The following DST variants were observed in gnomAD, a reference collection of about 807,000 sequenced individuals.
DST encodes dystonin.
In DST, 253 loss-of-function variants were observed where a neutral mutation model predicts 875.2. That is an observed-to-expected ratio of 0.29 (90% CI 0.26 to 0.32). The LOEUF is 0.32. Among genes scored for constraint, DST ranks in the 10% least tolerant of loss-of-function variants. The probability of loss-of-function intolerance (pLI) is 1.00; values close to 1 mark genes in which losing one functional copy is unlikely to be tolerated. For synonymous variants in DST, 3,124 were observed against 3,197.1 expected (o/e 0.98, Z 0.77); for missense variants, 8,287 against 9,111.6 (o/e 0.91, Z 3.68).
intron 36 of DST, chr6:56,615,710 T>C (rs1312607455): frequency 6.2e-7 from 1 of 1,614,100 alleles, no homozygotes; most frequent in Non-Finnish European, 8.5e-7. Flanking sequence ...AATGAGGACA[T>C]CTATAATACC....
At chr6:56,690,954 T>C (rs2099224300) in intron 9 of DST, among the ~76,000 whole-genome samples, 1 of 152,202 alleles carries the variant, frequency 6.6e-6, no homozygotes, top group Non-Finnish European at 1.5e-5. Context: ...TGTCAAACCC[T>C]TCAGATAATA....
rs2095801525 is a variant in DST, at chr6:56,493,010, G to A, written c.20474C>T (p.Ala6825Val). 2.5e-6 allele frequency: 4 copies of A among 1,612,874 alleles called. No homozygotes were observed. The highest frequency in any genetic ancestry group is 3.4e-6 in the Non-Finnish European group (4 of 1,179,398). Residue 6825 changes from alanine (A) to valine (V), a missense_variant, in exon 84 of 104, where the codon GCT (alanine) becomes GTT (valine). Ala to Val is a moderately conservative substitution (Grantham distance 64). Transcript: ENST00000680361. ...AGAAGCTACATTTAGGGTCTGTTCA[G>A]CCTGAGTAAGCCAGTTGATGAAGTC... ...LQDFINWLTQ[A>V]EQTLNVASRP... is the part of the protein sequence containing the mutation.
rs145412096 is a variant in DST, at chr6:56,641,115, CAGAG to C, written c.2028-514_2028-511del. On this transcript the variant is annotated intron_variant, in intron 17 of 103. Coordinates refer to ENST00000680361, the MANE Select transcript of DST (RefSeq NM_001374736.1). The stretch of plus-strand genomic sequence containing the variant: ...ATTTTTGCATTTACATATTTATGCA[CAGAG>C]AGAGAGAGAGAGAGAGAGAGAGAGA... Among the ~76,000 whole-genome samples the C allele has an allele frequency of 8.2e-3, 1,164 of 142,408 alleles. 6 individuals are homozygous for C. Among genetic ancestry groups the C allele is most frequent in the Middle Eastern group, 0.018 (5 of 280 alleles). 93.4% of individuals were successfully genotyped at this position (142,408 alleles called of 152,430 possible).
At chr6:56,849,296 C>G (rs533930982) in intron 4 of DST, among the ~76,000 whole-genome samples, 1,704 of 151,972 alleles carry the variant, frequency 0.011, 13 homozygotes, top group Non-Finnish European at 0.019. Context: ...GCCACCACGC[C>G]CAGCTAATTT....
At position 56,509,684 on chromosome 6, in the gene DST, T is replaced by G. The variant is rs1342374503; in HGVS notation, c.18970A>C (p.Ile6324Leu). Residue 6324 changes from isoleucine to leucine, a missense_variant, in exon 74 of 104, where the codon ATT becomes CTT. Coordinates refer to ENST00000680361, the MANE Select transcript of DST (RefSeq NM_001374736.1). Reference sequence around the variant, plus strand: ...TTATCAGTCCCCCCAGATCTAGCAATCATTTCCTCTCCCCTCTGTTTAAGA... The same window carrying G: ...TTATCAGTCCCCCCAGATCTAGCAAGCATTTCCTCTCCCCTCTGTTTAAGA... Reference protein sequence around the residue: ...ETLKQRGEEMIARSGGTDKDI... With the variant: ...ETLKQRGEEMLARSGGTDKDI... The G allele has an allele frequency of 1.2e-6, 2 of 1,613,754 alleles. No homozygotes were observed. The highest frequency in any genetic ancestry group is 1.1e-5 in the South Asian group (1 of 91,066).
chr6:56,842,993 A>G, intron 4 of DST: 1 of 1,322,952 alleles, frequency 7.6e-7, no homozygotes, highest in Non-Finnish European at 9.8e-7. Flanking sequence ...GATTAAGGAA[A>G]GGCAGCGGTT....
intron 63 of DST, among the ~76,000 whole-genome samples, chr6:56,533,736 A>G (rs1489986102): frequency 2.0e-5 from 3 of 152,202 alleles, no homozygotes; most frequent in Non-Finnish European, 4.4e-5. Flanking sequence ...TTATGCAAAA[A>G]TCGCACAAAT....
At chr6:56,693,571 T>C in intron 9 of DST, 1 of 222,896 alleles carries the variant, frequency 4.5e-6, no homozygotes, top group East Asian at 1.8e-4. Context: ...GTTCAACGAA[T>C]GAGAGCAAAA....
intron 7 of DST, among the ~76,000 whole-genome samples, chr6:56,702,913 A>G (rs2099316203): frequency 6.6e-6 from 1 of 152,194 alleles, no homozygotes; most frequent in Admixed American, 6.5e-5. Flanking sequence ...ACAGAAGGAA[A>G]AGTAAGCTCT....
In DST at chr6:56,470,553, C is replaced by T. The variant is rs557080708; in HGVS notation, c.22322-271G>A. Among the ~76,000 whole-genome samples, 273 of 151,784 alleles carry T rather than the reference C, an allele frequency of 1.8e-3. 2 individuals carry two copies. Among genetic ancestry groups the T allele is most frequent in the Non-Finnish European group, 2.8e-3 (190 of 67,954 alleles). Reference sequence around the variant, plus strand: ...CTGGCAATTTTATATGGGTCAATTGCTAGTCAAAGAATAAATTATATGAAA... The same window carrying T: ...CTGGCAATTTTATATGGGTCAATTGTTAGTCAAAGAATAAATTATATGAAA... On this transcript the variant is annotated intron_variant, in intron 95 of 103. Transcript: ENST00000680361.
intron 69 of DST, among the ~76,000 whole-genome samples, chr6:56,523,796 C>A (rs2096748131): frequency 6.6e-6 from 1 of 152,198 alleles, no homozygotes; most frequent in East Asian, 1.9e-4. Flanking sequence ...ATTCAAGACA[C>A]ATGTCCTTAC....
intron 9 of DST, among the ~76,000 whole-genome samples, chr6:56,679,461 C>T (rs2099146344): frequency 1.3e-5 from 2 of 151,904 alleles, no homozygotes; most frequent in Non-Finnish European, 2.9e-5. Context: ...CACAATATTG[C>T]TTTTAGTTAT....
chr6:56,635,275 G>C (rs2098813823), intron 24 of DST, among the ~76,000 whole-genome samples: 1 of 152,016 alleles, frequency 6.6e-6, no homozygotes, highest in South Asian at 2.1e-4. Context: ...CACTGCTGTA[G>C]CTCTAGAACC....
At chr6:56,646,730 GC>G (rs970107888) in intron 13 of DST, among the ~76,000 whole-genome samples, 1 of 152,058 alleles carries the variant, frequency 6.6e-6, no homozygotes, top group African/African-American at 2.4e-5. Flanking sequence ...AGTTGATGGG[GC>G]TATTATTACA....
chr6:56,726,260 C>T (rs1438255866), intron 5 of DST, among the ~76,000 whole-genome samples: 1 of 152,146 alleles, frequency 6.6e-6, no homozygotes, highest in South Asian at 2.1e-4. Context: ...ATTTCCTTTG[C>T]TATTTGTCTT....
chr6:56,947,376 G>A (rs561658112), intron 2 of DST, among the ~76,000 whole-genome samples: 4 of 151,182 alleles, frequency 2.6e-5, no homozygotes, highest in East Asian at 2.0e-4. Flanking sequence ...TCAGCCTCCC[G>A]AGTAGCTAGG....
intron 2 of DST, among the ~76,000 whole-genome samples, chr6:56,907,503 C>T (rs1796937875): frequency 6.6e-6 from 1 of 152,170 alleles, no homozygotes; most frequent in Non-Finnish European, 1.5e-5. Context: ...ACAGGCTTTT[C>T]AGGGTTAAGT....
At chr6:56,681,465 G>A (rs1006062917) in intron 9 of DST, among the ~76,000 whole-genome samples, 9 of 152,178 alleles carry the variant, frequency 5.9e-5, no homozygotes, top group South Asian at 2.1e-4. Flanking sequence ...TTCCCATCCC[G>A]TGCTACTCCT....
At chr6:56,827,970 G>C (rs940782528) in intron 4 of DST, among the ~76,000 whole-genome samples, 4 of 151,914 alleles carry the variant, frequency 2.6e-5, no homozygotes, top group Non-Finnish European at 5.9e-5. Context: ...CCCACCATAT[G>C]CCCATTTGAG....
Sources: allele counts gnomAD v4.1 joint callset (sites outside exome capture counted in the v4.1 genomes callset), GRCh38; gene constraint gnomAD v4.1.1; transcripts MANE v1.5; gene names NCBI Gene and HGNC (gene_info 2026-07-23, HGNC 2026-07-21).